The following ZNF83 variants were observed in gnomAD, a reference collection of about 807,000 sequenced individuals.
The protein encoded by ZNF83 is zinc finger protein 83.
For missense variants in ZNF83, 552 were observed against 629.9 expected (o/e 0.88, Z 1.32); for synonymous variants, 209 against 213.0 (o/e 0.98, Z 0.17).
chr19:52,649,582 G>A (rs1189724891), intron 3 of ZNF83, among the ~76,000 whole-genome samples: 1 of 152,158 alleles, frequency 6.6e-6, no homozygotes, highest in Non-Finnish European at 1.5e-5. Flanking sequence ...GAATTCAGGA[G>A]TCAGTGCCCT....
chr19:52,626,685 C>A (rs532930510), intron 2 of ZNF83, among the ~76,000 whole-genome samples: 1 of 151,810 alleles, frequency 6.6e-6, no homozygotes, highest in Non-Finnish European at 1.5e-5. Context: ...TACCATCCCC[C>A]GCACCAAGAT....
chr19:52,660,277 A>C lies in ZNF83; in HGVS notation c.-201+485T>G, dbSNP rs187544535. 2.6e-3 allele frequency among the ~76,000 whole-genome samples: 394 copies of C among 152,298 alleles called. 3 individuals are homozygous for C. Among genetic ancestry groups the C allele is most frequent in the Non-Finnish European group, 4.0e-3 (270 of 68,024 alleles). On this transcript the variant is annotated intron_variant, in intron 2 of 5. Transcript: ENST00000594682. Reference sequence around the variant, plus strand: ...AAGAGGAAATGGCAAATCCAAGAAGAAGCAATCAGTTTTCAATGCCCCAAC... The same window carrying C: ...AAGAGGAAATGGCAAATCCAAGAAGCAGCAATCAGTTTTCAATGCCCCAAC...
rs1479178003 is a variant in ZNF83 at position 52,690,195 on chromosome 19, AAAAC to A, written c.-283+244_-283+247del. On this transcript the variant is annotated intron_variant, in intron 1 of 5. Coordinates refer to the ZNF83 transcript ENST00000594682. Reference sequence around the variant, plus strand: ...AAATGATTTTGAGAAAAAAAAAAAAAAAACAACAACAACTACGCGATAGGAAGTG... The same window carrying A: ...AAATGATTTTGAGAAAAAAAAAAAAAAACAACAACTACGCGATAGGAAGTG... 5.7e-3 allele frequency among the ~76,000 whole-genome samples: 868 copies of A among 151,426 alleles called. 9 individuals carry two copies. The highest frequency in any genetic ancestry group is 0.02 in the African/African-American group (814 of 41,236).
chr19:52,622,941 G>T (rs2060601624), intron 2 of ZNF83, among the ~76,000 whole-genome samples: 1 of 152,218 alleles, frequency 6.6e-6, no homozygotes, highest in Non-Finnish European at 1.5e-5. Flanking sequence ...CTCAGCTGCA[G>T]CTCCAGCACA....
chr19:52,643,614 T>C (rs533851098), intron 3 of ZNF83, among the ~76,000 whole-genome samples: 1 of 152,018 alleles, frequency 6.6e-6, no homozygotes, highest in African/African-American at 2.4e-5. Context: ...GGCAGGAGAA[T>C]TGCTTGAACC....
intron 1 of ZNF83, among the ~76,000 whole-genome samples, chr19:52,681,977 A>G (rs904356612): frequency 1.3e-5 from 2 of 152,074 alleles, no homozygotes; most frequent in African/African-American, 4.8e-5. Context: ...CCTCCCAAGT[A>G]GCTGGGATTA....
intron 1 of ZNF83, among the ~76,000 whole-genome samples, chr19:52,680,203 C>A (rs138602464): frequency 6.6e-6 from 1 of 152,214 alleles, no homozygotes; most frequent in African/African-American, 2.4e-5. Flanking sequence ...AGAAAGCAGG[C>A]ATGGGGCAAA....
At chr19:52,684,604 G>A (rs190156129) in intron 1 of ZNF83, among the ~76,000 whole-genome samples, 2 of 151,418 alleles carry the variant, frequency 1.3e-5, no homozygotes, top group Admixed American at 1.3e-4. Flanking sequence ...GATTGATGCA[G>A]AGATAATAAA....
At position 52,626,778 on chromosome 19, in the gene ZNF83, G is replaced by A. The variant is rs968927927; in HGVS notation, c.-234+8288C>T. 6.4e-4 allele frequency among the ~76,000 whole-genome samples: 98 copies of A among 152,022 alleles called. 1 individual carries two copies. Among genetic ancestry groups the A allele is most frequent in the African/African-American group, 2.2e-3 (93 of 41,466 alleles). ...GTCCACGCAGCTCCTAATCTCACTC[G>A]AAGCAACCCTGAGAAACATCATCCA... is the stretch of plus-strand genomic sequence containing the variant. On this transcript the variant is annotated intron_variant, in intron 2 of 2. Coordinates refer to ENST00000301096, the Ensembl canonical transcript of ZNF83.
upstream of ZNF83, among the ~76,000 whole-genome samples, chr19:52,640,649 C>T (rs543518600): frequency 4.6e-5 from 7 of 152,296 alleles, no homozygotes; most frequent in Non-Finnish European, 7.3e-5. Flanking sequence ...TGTCAGTCCT[C>T]TCTGCAACCA....
chr19:52,681,023 G>A, intron 1 of ZNF83, among the ~76,000 whole-genome samples: 1 of 151,856 alleles, frequency 6.6e-6, no homozygotes, highest in East Asian at 2.0e-4. Flanking sequence ...GGTGGCTCAT[G>A]CCTGTAATCA....
exon 3 of ZNF83, chr19:52,613,987 G>T: frequency 6.2e-7 from 1 of 1,613,346 alleles, no homozygotes; most frequent in Non-Finnish European, 8.5e-7. Context: ...TTGATGTTGT[G>T]CAAGGTGTGA....
chr19:52,687,877 T>G (rs983838087), intron 1 of ZNF83, among the ~76,000 whole-genome samples: 1 of 151,160 alleles, frequency 6.6e-6, no homozygotes, highest in African/African-American at 2.4e-5. Flanking sequence ...AAAGTGATTT[T>G]TGTTGCACTT....
At chr19:52,684,732 A>T (rs946525787) in intron 1 of ZNF83, among the ~76,000 whole-genome samples, 2 of 152,158 alleles carry the variant, frequency 1.3e-5, no homozygotes, top group African/African-American at 4.8e-5. Context: ...TGCAGTGATC[A>T]TTTAGGGACA....
chr19:52,660,667 A>G, intron 2 of ZNF83: 1 of 158,586 alleles, frequency 6.3e-6, no homozygotes. Flanking sequence ...CAAACTTGTG[A>G]CGCAGGACGC....
At chr19:52,680,286 T>C (rs1289696293) in intron 1 of ZNF83, among the ~76,000 whole-genome samples, 1 of 152,108 alleles carries the variant, frequency 6.6e-6, no homozygotes, top group Non-Finnish European at 1.5e-5. Flanking sequence ...TGCAGGGACA[T>C]TTTCATCACC....
intron 2 of ZNF83, among the ~76,000 whole-genome samples, chr19:52,632,544 CTCT>C (rs1450603732): frequency 2.6e-5 from 4 of 152,168 alleles, no homozygotes; most frequent in Admixed American, 6.5e-5. Flanking sequence ...AAATGCCCTG[CTCT>C]TCTTTACACT....
chr19:52,647,307 T>C (rs1271168907), intron 3 of ZNF83, among the ~76,000 whole-genome samples: 1 of 152,222 alleles, frequency 6.6e-6, no homozygotes, highest in Non-Finnish European at 1.5e-5. Context: ...CAGTTTCATC[T>C]GTATAATTTA....
chr19:52,623,491 G>A (rs1269506640), intron 2 of ZNF83, among the ~76,000 whole-genome samples: 1 of 152,060 alleles, frequency 6.6e-6, no homozygotes, highest in African/African-American at 2.4e-5. Context: ...ATCCCCACCT[G>A]CCCAGTTCCC....
Sources: gnomAD v4.1 joint callset for allele counts (sites outside exome capture counted in the v4.1 genomes callset) on GRCh38, gnomAD v4.1.1 for gene constraint, MANE v1.5 for transcripts, NCBI Gene and HGNC (gene_info 2026-07-23, HGNC 2026-07-21) for gene names.